Variants in COL4A6 observed in about 807,000 individuals in gnomAD.
The protein encoded by COL4A6 is collagen alpha-6(IV) chain.
Under a neutral mutation model 126.7 loss-of-function variants are expected in COL4A6, and 59 were observed. The observed-to-expected ratio is 0.47, with a 90% confidence interval of 0.38 to 0.58. COL4A6 has a LOEUF of 0.58. Ranked by LOEUF, COL4A6 falls within the 20% of genes least tolerant of loss-of-function variation. COL4A6 has a pLI of 0.00. For synonymous variants in COL4A6, 547 were observed against 496.6 expected (o/e 1.10, Z -1.35); for missense variants, 1,285 against 1,337.3 (o/e 0.96, Z 0.61).
chrX:108,203,045 T>C, intron 12 of COL4A6, 64 bp from the exon 13 acceptor site: 1 of 937,334 alleles, frequency 1.1e-6, no homozygotes, highest in Non-Finnish European at 1.5e-6. Context: ...GTAGGATGGC[T>C]CTCCACATGT....
chrX:108,263,215 A>G (rs577287766), intron 3 of COL4A6, among the ~76,000 whole-genome samples: 1 of 111,628 alleles, frequency 9.0e-6, no homozygotes, highest in African/African-American at 3.2e-5. Flanking sequence ...GAGGTCCCCA[A>G]ATGAGATTCC....
chrX:108,300,392 G>GTGTGTGTT (rs2038455497), intron 3 of COL4A6, among the ~76,000 whole-genome samples: 1 of 108,994 alleles, frequency 9.2e-6, no homozygotes. Context: ...GTGTGTGTGT[G>GTGTGTGTT]TGTGTGTATT....
intron 3 of COL4A6, among the ~76,000 whole-genome samples, chrX:108,262,682 C>A: frequency 9.0e-6 from 1 of 111,230 alleles, no homozygotes; most frequent in Non-Finnish European, 1.9e-5. Context: ...AACATACAGG[C>A]AAAGCTTCTA....
chrX:108,193,101 G>A (rs2035101855), intron 17 of COL4A6, among the ~76,000 whole-genome samples: 2 of 111,870 alleles, frequency 1.8e-5, no homozygotes, highest in African/African-American at 6.5e-5. Flanking sequence ...TCAGTCTTTG[G>A]AGAAGGTAAA....
At position 108,408,538 on chromosome X, in the gene COL4A6, A is replaced by T. The variant is rs183923009; in HGVS notation, c.63+29404T>A. Reference sequence around the variant, plus strand: ...TATTTTTCAATACTGTGTAGAAAAAAAATGCAGGATCAAGTTGAATTATAC... The same window carrying T: ...TATTTTTCAATACTGTGTAGAAAAATAATGCAGGATCAAGTTGAATTATAC... On this transcript the variant is annotated intron_variant, in intron 2 of 44. Coordinates refer to ENST00000334504, the MANE Select transcript of COL4A6 (RefSeq NM_033641.4). Among the ~76,000 whole-genome samples, 150 of 112,046 alleles carry T rather than the reference A, an allele frequency of 1.3e-3. 1 individual carries two copies. Among genetic ancestry groups the T allele is most frequent in the Admixed American group, 0.011 (115 of 10,578 alleles).
At chrX:108,239,286 T>C (rs1301391186) in intron 3 of COL4A6, among the ~76,000 whole-genome samples, 1 of 112,480 alleles carries the variant, frequency 8.9e-6, no homozygotes, top group African/African-American at 3.2e-5. Flanking sequence ...TTTCAGGTTA[T>C]AGAGAAATTC....
At chrX:108,435,562 T>A (rs921445320) in intron 2 of COL4A6, among the ~76,000 whole-genome samples, 5 of 111,986 alleles carry the variant, frequency 4.5e-5, no homozygotes, top group Non-Finnish European at 7.5e-5. Flanking sequence ...ACATGGATGT[T>A]CTGAGATCCT....
intron 2 of COL4A6, among the ~76,000 whole-genome samples, chrX:108,403,679 T>C (rs2041144111): frequency 9.0e-6 from 1 of 111,625 alleles, no homozygotes; most frequent in Non-Finnish European, 1.9e-5. Context: ...TGATAGCTCA[T>C]CTTTGGAATA....
intron 3 of COL4A6, among the ~76,000 whole-genome samples, chrX:108,236,124 CCA>C (rs2036423687): frequency 8.9e-6 from 1 of 111,789 alleles, no homozygotes; most frequent in Non-Finnish European, 1.9e-5. Flanking sequence ...ATGAAGCCTG[CCA>C]CGGCCAACAG....
At position 108,206,572 on chromosome X, in the gene COL4A6, T is replaced by A; in HGVS notation, c.555A>T (p.Gln185His). The change falls in exon 9 of 45, where the codon CAA becomes CAT. Residue 185 changes from glutamine to histidine, a missense_variant. Physicochemically the swap from Gln to His is conservative, Grantham distance 24 (BLOSUM62 0). Coordinates refer to ENST00000334504, the MANE Select transcript of COL4A6 (RefSeq NM_033641.4). ...LPGLDGITGP[Q>H]GAPGFPGAVG... ...CAGCTCCAGGAAATCCGGGTGCTCC[T>A]TGTGGGCCCTAGAGAGGCAAGTTTT... 2 of 1,209,921 alleles carry A rather than the reference T, an allele frequency of 1.7e-6. No homozygotes were observed. The highest frequency in any genetic ancestry group is 2.2e-6 in the Non-Finnish European group (2 of 894,148).
chrX:108,278,665 A>G (rs1276351849), intron 3 of COL4A6, among the ~76,000 whole-genome samples: 1 of 108,818 alleles, frequency 9.2e-6, no homozygotes, highest in Non-Finnish European at 1.9e-5. Flanking sequence ...CTCCTCGAGA[A>G]GAGCAACTCC....
chrX:108,165,900 G>T lies in COL4A6; in HGVS notation c.3692-414C>A, dbSNP rs1452041469. ...CAGTTATGTCTGATGCTGCACAAAG[G>T]TTACAGAACGTAGGCCACAGGCCCC... On this transcript the variant is annotated intron_variant, in intron 37 of 44. Coordinates refer to ENST00000334504, the MANE Select transcript of COL4A6 (RefSeq NM_033641.4). 2.7e-5 allele frequency among the ~76,000 whole-genome samples: 3 copies of T among 112,728 alleles called. No homozygotes were observed. In the East Asian group the frequency reaches 8.3e-4, roughly 31 times the overall value.
chrX:108,258,822 T>G (rs2037078343), intron 3 of COL4A6, among the ~76,000 whole-genome samples: 1 of 111,643 alleles, frequency 9.0e-6, no homozygotes, highest in Non-Finnish European at 1.9e-5. Context: ...AGAAATCACT[T>G]AACATTTCAA....
chrX:108,156,890 A>G lies in COL4A6; in HGVS notation c.*110T>C. ...TAGCCCAAATGAGACTCCAATGTACAACTTGACAGGCAAAGGGGCTCAGGC... is the reference window on the plus strand; with the variant it reads ...TAGCCCAAATGAGACTCCAATGTACGACTTGACAGGCAAAGGGGCTCAGGC... On this transcript the variant is annotated 3_prime_UTR_variant, in exon 45 of 45. Coordinates refer to ENST00000334504, the MANE Select transcript of COL4A6 (RefSeq NM_033641.4). 2.4e-6 allele frequency: 2 copies of G among 827,587 alleles called. No individual in the cohort carries two copies. The highest frequency in any genetic ancestry group is 3.5e-6 in the Non-Finnish European group (2 of 570,532). The allele number at this position is 827,587 out of a possible 1,213,427, so 68.2% of individuals were successfully genotyped here.
At position 108,219,684 on chromosome X, in the gene COL4A6, G is replaced by A. The variant is rs953069037; in HGVS notation, c.324+14C>T. On this transcript the variant is annotated intron_variant, in intron 5 of 44. Transcript: ENST00000334504. The stretch of plus-strand genomic sequence containing the variant: ...AAAGGAGGATATGAAAAATTCATCT[G>A]TGGACACACTCACCGGAATCCCATT... 4.2e-6 allele frequency: 5 copies of A among 1,204,229 alleles called. No homozygotes were observed. The highest frequency in any genetic ancestry group is 3.0e-5 in the East Asian group (1 of 33,789).
At chrX:108,364,555 T>C (rs2040156546) in intron 2 of COL4A6, among the ~76,000 whole-genome samples, 2 of 111,068 alleles carry the variant, frequency 1.8e-5, no homozygotes, top group African/African-American at 6.6e-5. Context: ...ATTGTACCCA[T>C]TAAATAGTTT....
At chrX:108,284,685 A>G in intron 3 of COL4A6, among the ~76,000 whole-genome samples, 1 of 112,576 alleles carries the variant, frequency 8.9e-6, no homozygotes, top group South Asian at 3.7e-4. Flanking sequence ...TCAGAAAGAC[A>G]GGCATTCAGC....
At position 108,420,185 on chromosome X, in the gene COL4A6, A is replaced by G. The variant is rs957888011; in HGVS notation, c.63+17757T>C. ...ACTTGATGTCCCTTAACTAGCCCCA[A>G]TCAAAGCTGACCAATGGTGTATGAG... On this transcript the variant is annotated intron_variant, in intron 2 of 44. Coordinates refer to ENST00000334504, the MANE Select transcript of COL4A6 (RefSeq NM_033641.4). Among the ~76,000 whole-genome samples, 3 of 111,609 alleles carry G rather than the reference A, an allele frequency of 2.7e-5. No homozygotes were observed. In the Admixed American group the frequency reaches 2.9e-4, roughly 11 times the overall value.
intron 2 of COL4A6, among the ~76,000 whole-genome samples, chrX:108,412,637 G>A (rs2041355075): frequency 9.0e-6 from 1 of 111,590 alleles, no homozygotes; most frequent in Non-Finnish European, 1.9e-5. Flanking sequence ...TGTCTCTTCT[G>A]TTGCCTTCCG....
Sources: allele counts gnomAD v4.1 joint callset (sites outside exome capture counted in the v4.1 genomes callset), GRCh38; gene constraint gnomAD v4.1.1; transcripts MANE v1.5; gene names NCBI Gene and HGNC (gene_info 2026-07-23, HGNC 2026-07-21).